SLC39A10: variants seen among roughly 807,000 people sequenced by gnomAD.
SLC39A10 encodes the protein zinc transporter ZIP10.
Under a neutral mutation model 65.1 loss-of-function variants are expected in SLC39A10, and 13 were observed. The ratio of observed to expected loss-of-function variants is 0.20; its 90% CI spans 0.13 to 0.32. The LOEUF is 0.32. Ranked by LOEUF, SLC39A10 falls within the 10% of genes least tolerant of loss-of-function variation. SLC39A10 has a pLI of 1.00. For synonymous variants in SLC39A10, 321 were observed against 342.2 expected, an observed-to-expected ratio of 0.94 and a Z score of 0.68; for missense variants, 831 against 1,018.4, an observed-to-expected ratio of 0.82 and a Z score of 2.50.
At chr2:195,619,985 C>T (rs904804278) in intron 2 of SLC39A10, among the ~76,000 whole-genome samples, 5 of 152,096 alleles carry the variant, frequency 3.3e-5, no homozygotes, top group East Asian at 1.9e-4. Flanking sequence ...TGCAGTGGCA[C>T]GATCTTGACT....
chr2:195,731,965 TATA>T (rs1195962996), intron 9 of SLC39A10, among the ~76,000 whole-genome samples: 2 of 152,202 alleles, frequency 1.3e-5, no homozygotes, highest in African/African-American at 4.8e-5. Context: ...CAGTAGTATT[TATA>T]ATGTCACAAT....
chr2:195,660,734 G>A (rs894710007), intron 1 of SLC39A10, among the ~76,000 whole-genome samples: 12 of 152,236 alleles, frequency 7.9e-5, no homozygotes, highest in African/African-American at 2.2e-4. Flanking sequence ...AGAAATTTAC[G>A]TATGGGATTG....
chr2:195,648,256 C>T (rs544578724), intron 2 of SLC39A10, among the ~76,000 whole-genome samples: 40 of 152,296 alleles, frequency 2.6e-4, no homozygotes, highest in African/African-American at 7.5e-4. Flanking sequence ...TCTTGGCCTC[C>T]GCCTATGCTG....
intron 1 of SLC39A10, among the ~76,000 whole-genome samples, chr2:195,660,521 T>C (rs1689349614): frequency 1.3e-5 from 2 of 152,148 alleles, no homozygotes; most frequent in Admixed American, 6.5e-5. Flanking sequence ...TAAAATAAGG[T>C]AATGTTTAAA....
At chr2:195,693,436 G>C (rs540181974) in intron 3 of SLC39A10, among the ~76,000 whole-genome samples, 1 of 152,140 alleles carries the variant, frequency 6.6e-6, no homozygotes, top group African/African-American at 2.4e-5. Flanking sequence ...ATTCAGCTGT[G>C]AATCTGTCTG....
rs1553509375 is a variant in SLC39A10 at position 195,737,079 on chromosome 2, T to TAAAG, written c.*2041_*2044dup. ...AGCAAGTAGGTTATGCTGAAGTATATAAAGAAGTTTTATATTCTCTCAAAA... is the reference window on the plus strand; with the variant it reads ...AGCAAGTAGGTTATGCTGAAGTATATAAAGAAAGAAGTTTTATATTCTCTCAAAA... On this transcript the variant is annotated 3_prime_UTR_variant, in exon 10 of 10. Transcript: ENST00000359634. 2 of 152,736 alleles carry TAAAG rather than the reference T, an allele frequency of 1.3e-5. No homozygotes were observed. The highest frequency in any genetic ancestry group is 1.9e-4 in the East Asian group (1 of 5,176). The allele number at this position is 152,736 out of a possible 1,614,324, so 9.5% of individuals were successfully genotyped here.
At chr2:195,704,750 T>C (rs1255930860) in intron 3 of SLC39A10, among the ~76,000 whole-genome samples, 1 of 152,100 alleles carries the variant, frequency 6.6e-6, no homozygotes, top group Non-Finnish European at 1.5e-5. Context: ...AATAGTTAGT[T>C]AGAGCAATCA....
chr2:195,670,670 G>A lies in SLC39A10; in HGVS notation c.-11-9362G>A, dbSNP rs566859411. ...AATAAGGTTCGTAGTTAATAGTATC[G>A]ATGTCAGTTTCTTGGTTTTGAACAT... On this transcript the variant is annotated intron_variant, in intron 1 of 9. Transcript: ENST00000359634. Among the ~76,000 whole-genome samples the A allele has an allele frequency of 3.3e-5, 5 of 152,130 alleles. No homozygotes were observed. In the East Asian group the frequency reaches 5.8e-4, roughly 18 times the overall value.
chr2:195,681,100 G>T, intron 2 of SLC39A10, 50 bp downstream of exon 2: 1 of 1,527,340 alleles, frequency 6.5e-7, no homozygotes, highest in Non-Finnish European at 8.8e-7. Context: ...TCACATAATT[G>T]TGGTGCATTT....
intron 1 of SLC39A10, among the ~76,000 whole-genome samples, chr2:195,659,807 G>A (rs1244859173): frequency 6.6e-6 from 1 of 152,052 alleles, no homozygotes; most frequent in Non-Finnish European, 1.5e-5. Flanking sequence ...TCTACATACA[G>A]ATGTTTCAGT....
chr2:195,642,431 A>G (rs1272317550), intron 2 of SLC39A10, among the ~76,000 whole-genome samples: 1 of 152,154 alleles, frequency 6.6e-6, no homozygotes, highest in Non-Finnish European at 1.5e-5. Flanking sequence ...ACACAGCAGA[A>G]CCATTTTAAG....
chr2:195,620,797 G>A (rs977053869), intron 2 of SLC39A10, among the ~76,000 whole-genome samples: 1 of 152,182 alleles, frequency 6.6e-6, no homozygotes. Flanking sequence ...CAGAAGAAAG[G>A]AATGTATCCA....
chr2:195,647,844 T>C (rs1003994339), intron 2 of SLC39A10, among the ~76,000 whole-genome samples: 10 of 152,142 alleles, frequency 6.6e-5, no homozygotes, highest in African/African-American at 2.2e-4. Context: ...CCCTATTAAC[T>C]GAGAAGCACA....
At chr2:195,706,842 G>T in intron 4 of SLC39A10, 57 bp downstream of exon 4, 1 of 1,285,042 alleles carries the variant, frequency 7.8e-7, no homozygotes, top group Non-Finnish European at 1.0e-6. Flanking sequence ...TAAGCTGAAA[G>T]GGTCCTTCAT....
At chr2:195,683,414 T>C (rs1398164933) in intron 2 of SLC39A10, among the ~76,000 whole-genome samples, 2 of 151,940 alleles carry the variant, frequency 1.3e-5, no homozygotes, top group African/African-American at 4.8e-5. Flanking sequence ...CCTACGAGAG[T>C]CTTGGGGATA....
At chr2:195,658,079 G>C (rs1479329362) in intron 1 of SLC39A10, 1 of 152,372 alleles carries the variant, frequency 6.6e-6, no homozygotes, top group East Asian at 1.9e-4. Context: ...GAGCGATGTG[G>C]GGCGCGGCAG....
chr2:195,658,794 G>T (rs1689266440), intron 1 of SLC39A10, among the ~76,000 whole-genome samples: 1 of 137,978 alleles, frequency 7.2e-6, no homozygotes. Context: ...TTACTCCAGT[G>T]GCTCCTTACT....
intron 3 of SLC39A10, among the ~76,000 whole-genome samples, chr2:195,701,678 T>G (rs948054286): frequency 6.6e-6 from 1 of 151,862 alleles, no homozygotes; most frequent in Non-Finnish European, 1.5e-5. Context: ...TTTCACAGGT[T>G]TTTTTTGTTT....
chr2:195,728,172 T>A lies in SLC39A10; in HGVS notation c.2160T>A (p.Val720=). ...TCTTAATTGCAGGAGATTTTGCAGT[T>A]CTTCTTAAAGCAGGCATGACTGTAA... The part of the protein sequence containing the change: ...ELPHELGDFA[V]LLKAGMTVKQ... Residue 720 remains valine, a synonymous_variant, in exon 9 of 10, where the codon GTT becomes GTA. Coordinates refer to ENST00000359634, the MANE Select transcript of SLC39A10 (RefSeq NM_020342.3). This position sits in a 1 kb window ranked among gnomAD's most constrained non-coding sequence, Gnocchi z 4.4. 6.2e-7 allele frequency: 1 copy of A among 1,610,264 alleles called. No homozygotes were observed. The highest frequency in any genetic ancestry group is 8.5e-7 in the Non-Finnish European group (1 of 1,177,322).
Sources: allele counts gnomAD v4.1 joint callset (sites outside exome capture counted in the v4.1 genomes callset), GRCh38; gene constraint gnomAD v4.1.1; non-coding constraint Gnocchi (gnomAD v3.1); transcripts MANE v1.5; gene names NCBI Gene and HGNC (gene_info 2026-07-23, HGNC 2026-07-21).